MRC1: variants seen among roughly 807,000 people sequenced by gnomAD.
The protein encoded by MRC1 is mannose receptor C-type 1.
MRC1 carries 62 observed loss-of-function variants against 102.9 expected under a neutral mutation model. That is an observed-to-expected ratio of 0.60 (90% CI 0.49 to 0.74). MRC1 has a LOEUF of 0.74. MRC1 is among the 30% of genes least tolerant of loss of function. The pLI, the probability that MRC1 is intolerant of heterozygous loss-of-function variation, is 0.00. For missense variants in MRC1, 1,237 were observed against 862.8 expected (o/e 1.43, Z -5.43); for synonymous variants, 457 against 298.4 (o/e 1.53, Z -5.48).
At chr10:17,816,024 A>G (rs2130576671) in intron 1 of MRC1, among the ~76,000 whole-genome samples, 1 of 152,202 alleles carries the variant, frequency 6.6e-6, no homozygotes, top group East Asian at 1.9e-4. Flanking sequence ...CGGTTCCACC[A>G]TGTTGGCCAG....
intron 18 of MRC1, among the ~76,000 whole-genome samples, chr10:17,878,722 G>A (rs1833471251): frequency 6.6e-6 from 1 of 151,984 alleles, no homozygotes; most frequent in African/African-American, 2.4e-5. Flanking sequence ...GAGTGCAGTG[G>A]GGTGATCACA....
At chr10:17,836,230 A>G (rs1025403504) in intron 4 of MRC1, among the ~76,000 whole-genome samples, 7 of 152,168 alleles carry the variant, frequency 4.6e-5, no homozygotes, top group African/African-American at 7.2e-5. Flanking sequence ...CATCTCTCCT[A>G]TAAGTTATTA....
intron 6 of MRC1, among the ~76,000 whole-genome samples, chr10:17,846,906 A>G (rs374962844): frequency 2.4e-4 from 36 of 152,316 alleles, no homozygotes; most frequent in Middle Eastern, 6.8e-3. Context: ...AACTATATAC[A>G]TTCTATGCAC....
chr10:17,881,154 G>T lies in MRC1; in HGVS notation c.2953G>T (p.Val985Phe), dbSNP rs1833509872. ...KACIGFGGNL[V>F]SIQNEKEQAF... Reference sequence around the variant, plus strand: ...TTGTATAGGCTTTGGAGGGAATCTGGTCTCCATACAAAATGAAAAAGAGCA... The same window carrying T: ...TTGTATAGGCTTTGGAGGGAATCTGTTCTCCATACAAAATGAAAAAGAGCA... The change falls in exon 21 of 30, where the codon GTC becomes TTC. Residue 985 changes from valine to phenylalanine, a missense_variant. Transcript: ENST00000569591. 2.6e-6 allele frequency: 2 copies of T among 780,682 alleles called. No individual in the cohort carries two copies. Among genetic ancestry groups the T allele is most frequent in the Non-Finnish European group, 2.4e-6 (1 of 417,918 alleles). 48.4% of individuals were successfully genotyped at this position (780,682 alleles called of 1,614,324 possible).
At chr10:17,837,364 A>G (rs2130619744) in intron 4 of MRC1, among the ~76,000 whole-genome samples, 1 of 152,326 alleles carries the variant, frequency 6.6e-6, no homozygotes, top group Non-Finnish European at 1.5e-5. Flanking sequence ...CTGACAGGGA[A>G]TTTAAAAAAT....
At chr10:17,854,309 T>G (rs1833045185) in intron 8 of MRC1, among the ~76,000 whole-genome samples, 1 of 152,238 alleles carries the variant, frequency 6.6e-6, no homozygotes, top group Non-Finnish European at 1.5e-5. Context: ...CCATATTTAT[T>G]GTTCAATAAT....
chr10:17,813,257 C>G (rs946031399), intron 1 of MRC1, among the ~76,000 whole-genome samples: 5 of 152,140 alleles, frequency 3.3e-5, no homozygotes, highest in Non-Finnish European at 7.3e-5. Context: ...TAGGTTATTC[C>G]TGTTGCCATT....
chr10:17,823,659 T>C (rs1554838477), intron 2 of MRC1, among the ~76,000 whole-genome samples, 184 bp downstream of exon 2: 9 of 152,252 alleles, frequency 5.9e-5, no homozygotes, highest in Non-Finnish European at 1.5e-5. Flanking sequence ...TAAATGTGAT[T>C]AAAAAGTCCT....
chr10:17,826,508 G>A (rs2130597607), intron 2 of MRC1, among the ~76,000 whole-genome samples: 2 of 138,996 alleles, frequency 1.4e-5, no homozygotes, highest in South Asian at 4.7e-4. Context: ...ACTTTTTCAA[G>A]TCGTAGAATC....
chr10:17,897,800 A>G (rs1415541021), intron 23 of MRC1, among the ~76,000 whole-genome samples: 1 of 152,186 alleles, frequency 6.6e-6, no homozygotes, highest in Admixed American at 6.5e-5. Flanking sequence ...TTGATCATGT[A>G]TTTGCCTTAA....
At chr10:17,829,465 G>A (rs1012689582) in intron 3 of MRC1, among the ~76,000 whole-genome samples, 2,312 of 151,496 alleles carry the variant, frequency 0.015, 178 homozygotes, top group African/African-American at 0.054. Flanking sequence ...TCTGTTCATA[G>A]CGACACTGCT....
At chr10:17,828,561 G>A (rs1381694358) in intron 3 of MRC1, among the ~76,000 whole-genome samples, 1 of 151,414 alleles carries the variant, frequency 6.6e-6, no homozygotes, top group Non-Finnish European at 1.5e-5. Flanking sequence ...GTGGTTTGAT[G>A]GAGAAAGACG....
chr10:17,853,612 A>G (rs1365267267), intron 8 of MRC1, among the ~76,000 whole-genome samples: 13 of 149,348 alleles, frequency 8.7e-5, no homozygotes, highest in East Asian at 1.9e-4. Context: ...ATATATATAT[A>G]TATGTAAAAA....
At position 17,905,037 on chromosome 10, in the gene MRC1, T is replaced by C. The variant is rs925722404; in HGVS notation, c.3800-1849T>C. Among the ~76,000 whole-genome samples, 6 of 152,360 alleles carry C rather than the reference T, an allele frequency of 3.9e-5. No homozygotes were observed. In the East Asian group the frequency reaches 9.6e-4, roughly 24 times the overall value. On this transcript the variant is annotated intron_variant, in intron 26 of 29. Transcript: ENST00000569591. ...AAGTCTGTTTGCACTGACTGAGCTC[T>C]GAATCAGGTCAAATAAAGACAAGCT...
At chr10:17,815,383 T>G (rs1838295439) in intron 1 of MRC1, among the ~76,000 whole-genome samples, 1 of 152,220 alleles carries the variant, frequency 6.6e-6, no homozygotes, top group African/African-American at 2.4e-5. Flanking sequence ...CAGTGTGGTG[T>G]CAGCTTCTTA....
chr10:17,905,320 G>C (rs1163809712), intron 26 of MRC1, among the ~76,000 whole-genome samples: 15 of 152,236 alleles, frequency 9.9e-5, no homozygotes, highest in African/African-American at 3.4e-4. Context: ...TTGCATAAAT[G>C]CTTCTTGAAT....
chr10:17,855,479 G>A (rs1833073386), intron 8 of MRC1, among the ~76,000 whole-genome samples: 1 of 140,578 alleles, frequency 7.1e-6, no homozygotes, highest in African/African-American at 2.6e-5. Flanking sequence ...GCTGAGGCAG[G>A]AAAATGGTGT....
At chr10:17,877,563 G>T (rs1196892758) in intron 17 of MRC1, among the ~76,000 whole-genome samples, 1 of 151,384 alleles carries the variant, frequency 6.6e-6, no homozygotes, top group Non-Finnish European at 1.5e-5. Context: ...TTAATAACTT[G>T]AATTTGTAAA....
chr10:17,818,756 G>A (rs938288982), intron 1 of MRC1, among the ~76,000 whole-genome samples: 4 of 152,290 alleles, frequency 2.6e-5, no homozygotes, highest in East Asian at 3.9e-4. Flanking sequence ...CCAAGATGGC[G>A]CCACTGTACT....
Sources: gnomAD v4.1 joint callset for allele counts (sites outside exome capture counted in the v4.1 genomes callset) on GRCh38, gnomAD v4.1.1 for gene constraint, MANE v1.5 for transcripts, NCBI Gene and HGNC (gene_info 2026-07-23, HGNC 2026-07-21) for gene names.